LOC128462377: variants seen among roughly 807,000 people sequenced by gnomAD.
At chr16:89,322,820 T>C in the LOC128462377 span, among the ~76,000 whole-genome samples, 1 of 152,390 alleles carries the variant, frequency 6.6e-6, no homozygotes, top group Non-Finnish European at 1.5e-5. Flanking sequence ...ATGCTCCAGA[T>C]ACCTTAGCTT....
chr16:89,324,561 G>A, the LOC128462377 span: 7 of 455,286 alleles, frequency 1.5e-5, no homozygotes, highest in Middle Eastern at 3.3e-4. Context: ...AGAGGCCGAC[G>A]AACCCTCCAT....
At chr16:89,415,850 A>AAAAAAAAAAAAAAAAAAAAAAAAAAAAAC in the LOC128462377 span, among the ~76,000 whole-genome samples, 2 of 147,384 alleles carry the variant, frequency 1.4e-5, no homozygotes, top group Non-Finnish European at 3.0e-5. Flanking sequence ...AAAAAAAAAA[A>AAAAAAAAAAAAAAAAAAAAAAAAAAAAAC]CAATGGAGAA....
the LOC128462377 span, among the ~76,000 whole-genome samples, chr16:89,411,239 G>A: frequency 1.3e-5 from 2 of 152,228 alleles, no homozygotes; most frequent in African/African-American, 2.4e-5. Flanking sequence ...CCACCACGGG[G>A]GCCCAGGGAC....
At chr16:89,349,990 G>A in the LOC128462377 span, among the ~76,000 whole-genome samples, 1 of 151,480 alleles carries the variant, frequency 6.6e-6, no homozygotes, top group Non-Finnish European at 1.5e-5. Flanking sequence ...CAGACAACCC[G>A]ATTTTTAGAA....
the LOC128462377 span, among the ~76,000 whole-genome samples, chr16:89,384,597 G>C: frequency 7.2e-5 from 11 of 152,162 alleles, no homozygotes; most frequent in Non-Finnish European, 1.6e-4. Flanking sequence ...GGGCAGGACA[G>C]AGCAGGGCAG....
chr16:89,352,746 G>C, the LOC128462377 span, among the ~76,000 whole-genome samples: 1 of 152,214 alleles, frequency 6.6e-6, no homozygotes, highest in Non-Finnish European at 1.5e-5. Flanking sequence ...CTCTGAAAAT[G>C]TGTGTGCTCA....
At chr16:89,360,506 A>AG in the LOC128462377 span, 1 of 152,276 alleles carries the variant, frequency 6.6e-6, no homozygotes, top group Non-Finnish European at 1.5e-5. Context: ...AAAGATTAAA[A>AG]AACCATGGAT....
At chr16:89,317,899 C>A in the LOC128462377 span, among the ~76,000 whole-genome samples, 2 of 152,298 alleles carry the variant, frequency 1.3e-5, no homozygotes, top group Non-Finnish European at 2.9e-5. Flanking sequence ...CACCTTCTTA[C>A]CCAAGTTCAC....
the LOC128462377 span, among the ~76,000 whole-genome samples, chr16:89,353,500 CAG>C: frequency 2.0e-5 from 3 of 152,016 alleles, no homozygotes; most frequent in South Asian, 2.1e-4. Context: ...TTTTTTGAGA[CAG>C]AGTCTTACTG....
chr16:89,389,786 C>G, the LOC128462377 span, among the ~76,000 whole-genome samples: 1 of 144,156 alleles, frequency 6.9e-6, no homozygotes, highest in Non-Finnish European at 1.5e-5. Context: ...GGGGCAAACA[C>G]CGAGTGTGGC....
the LOC128462377 span, among the ~76,000 whole-genome samples, chr16:89,417,365 C>T: frequency 6.6e-6 from 1 of 152,174 alleles, no homozygotes; most frequent in Non-Finnish European, 1.5e-5. Context: ...TTTAATTTAG[C>T]CAAGTTTTCT....
chr16:89,354,977 T>C, the LOC128462377 span, among the ~76,000 whole-genome samples: 9 of 152,120 alleles, frequency 5.9e-5, no homozygotes. Context: ...CAACAGACTT[T>C]CCAAGTCCCA....
the LOC128462377 span, among the ~76,000 whole-genome samples, chr16:89,369,788 G>A: frequency 2.6e-5 from 4 of 152,314 alleles, no homozygotes; most frequent in African/African-American, 4.8e-5. Context: ...CATCAATGCC[G>A]ATATACACCC....
chr16:89,410,061 G>C, the LOC128462377 span, among the ~76,000 whole-genome samples: 1 of 152,062 alleles, frequency 6.6e-6, no homozygotes, highest in Admixed American at 6.6e-5. Flanking sequence ...GGATGGTCTC[G>C]ATCTCCTGAC....
At chr16:89,339,070 C>T in the LOC128462377 span, among the ~76,000 whole-genome samples, 1 of 152,134 alleles carries the variant, frequency 6.6e-6, no homozygotes, top group African/African-American at 2.4e-5. Flanking sequence ...GGAGGACAGA[C>T]GTCCTGGGTA....
the LOC128462377 span, among the ~76,000 whole-genome samples, chr16:89,383,456 C>A: frequency 1.3e-5 from 2 of 152,248 alleles, no homozygotes; most frequent in Non-Finnish European, 2.9e-5. Context: ...TATCTACCCT[C>A]CCTGATGGGC....
chr16:89,363,679 G>A, the LOC128462377 span, among the ~76,000 whole-genome samples: 4 of 152,140 alleles, frequency 2.6e-5, no homozygotes, highest in Non-Finnish European at 4.4e-5. Context: ...GCTGCTTCCC[G>A]TGTATGTGGC....
chr16:89,401,098 G>GC, the LOC128462377 span, among the ~76,000 whole-genome samples: 2 of 46,154 alleles, frequency 4.3e-5, no homozygotes, highest in Non-Finnish European at 1.0e-4. Flanking sequence ...CCCCCCACCC[G>GC]CCCTCCCCCT....
At chr16:89,386,850 C>G in the LOC128462377 span, among the ~76,000 whole-genome samples, 12 of 152,330 alleles carry the variant, frequency 7.9e-5, no homozygotes, top group East Asian at 1.9e-3. Context: ...CTATCACAGC[C>G]AGAGCTGTGT....
Sources: gnomAD v4.1 joint callset for allele counts (sites outside exome capture counted in the v4.1 genomes callset) on GRCh38, gnomAD v4.1.1 for gene constraint, MANE v1.5 for transcripts.